The following RNF43 variants were observed in gnomAD, a reference collection of about 807,000 sequenced individuals.
The protein encoded by RNF43 is E3 ubiquitin-protein ligase RNF43.
Under a neutral mutation model 78.4 loss-of-function variants are expected in RNF43, and 37 were observed. The observed-to-expected ratio is 0.47, with a 90% CI of 0.36 to 0.62. The LOEUF is 0.62. Among genes scored for constraint, RNF43 ranks in the 20% least tolerant of loss-of-function variants. The probability of loss-of-function intolerance (pLI) is 0.00; values close to 1 mark genes in which losing one functional copy is unlikely to be tolerated. For synonymous variants in RNF43, 347 were observed against 395.0 expected (o/e 0.88, Z 1.44); for missense variants, 774 against 1,007.9 (o/e 0.77, Z 3.14).
chr17:58,401,093 T>TTGGGGA (rs1973788660), intron 2 of RNF43, among the ~76,000 whole-genome samples: 1 of 152,202 alleles, frequency 6.6e-6, no homozygotes, highest in Admixed American at 6.5e-5. Flanking sequence ...GATATGTTCC[T>TTGGGGA]GATCTATTTT....
intron 2 of RNF43, among the ~76,000 whole-genome samples, chr17:58,375,699 G>A (rs555843591): frequency 3.3e-5 from 5 of 152,342 alleles, no homozygotes; most frequent in East Asian, 3.9e-4. Context: ...AGTAGAGAGG[G>A]ACTTTGGTGT....
intron 2 of RNF43, among the ~76,000 whole-genome samples, chr17:58,372,839 G>A (rs144713417): frequency 8.9e-4 from 136 of 152,288 alleles, no homozygotes; most frequent in Middle Eastern, 3.4e-3. Flanking sequence ...GGGTTGGGGA[G>A]CCACATTCCT....
intron 2 of RNF43, among the ~76,000 whole-genome samples, chr17:58,377,348 G>A (rs141235167): frequency 9.6e-4 from 146 of 152,164 alleles, no homozygotes; most frequent in African/African-American, 3.1e-3. Context: ...CCCCTCCCCC[G>A]TTCTTTGGTA....
At chr17:58,371,491 T>C (rs2143519893) in intron 2 of RNF43, among the ~76,000 whole-genome samples, 1 of 152,370 alleles carries the variant, frequency 6.6e-6, no homozygotes. Flanking sequence ...TGCTGGATGC[T>C]GCTGGTGCCT....
chr17:58,358,072 C>G lies in RNF43; in HGVS notation c.1704G>C (p.Lys568Asn), dbSNP rs751281829. 1.9e-6 allele frequency: 3 copies of G among 1,597,150 alleles called. No individual in the cohort carries two copies. The highest frequency in any genetic ancestry group is 1.3e-5 in the African/African-American group (1 of 74,602). Residue 568 changes from lysine to asparagine, a missense_variant, in exon 9 of 10, where the codon AAG becomes AAC. Physicochemically the swap from Lys to Asn is moderately conservative, Grantham distance 94. Transcript: ENST00000407977. This position sits in a 1 kb window ranked among gnomAD's most constrained non-coding sequence, Gnocchi z 6.2. ...YKKRFQWHGR[K>N]PGPETGVPQS... Reference sequence around the variant, plus strand: ...GGGGGACTCCGGTTTCTGGGCCAGGCTTCCTGCCATGCCACTGGAACCGCT... The same window carrying G: ...GGGGGACTCCGGTTTCTGGGCCAGGGTTCCTGCCATGCCACTGGAACCGCT...
rs1567875446 is a variant in RNF43 at position 58,360,821 on chromosome 17, CAG to C, written c.809_810del (p.Pro270ArgfsTer11). On this transcript the variant is annotated frameshift_variant, in exon 7 of 10. Transcript: ENST00000407977. LOFTEE classifies it high-confidence loss of function. The surrounding 1 kb of genome is among the most constrained non-coding windows in gnomAD (Gnocchi z 4.3). ...PDSGSSCSSA[P>X]VCAICLEEFS... ...AACTCCTCCAGACAGATGGCACACACAGGGGCTGAGCTGCAGCTGCTCCCTGA... is the reference window on the plus strand; with the variant it reads ...AACTCCTCCAGACAGATGGCACACACGGGCTGAGCTGCAGCTGCTCCCTGA... The C allele has an allele frequency of 1.9e-6, 3 of 1,613,012 alleles. No individual in the cohort carries two copies. Among genetic ancestry groups the C allele is most frequent in the Non-Finnish European group, 1.7e-6 (2 of 1,179,502 alleles).
intron 2 of RNF43, among the ~76,000 whole-genome samples, chr17:58,374,883 T>C (rs1973175034): frequency 6.6e-6 from 1 of 152,166 alleles, no homozygotes; most frequent in Non-Finnish European, 1.5e-5. Context: ...TGCTCAAGAC[T>C]GAACTCATTC....
At position 58,415,709 on chromosome 17, in the gene RNF43, GT is replaced by G; in HGVS notation, c.-133del. The G allele has an allele frequency of 9.4e-7, 1 of 1,067,160 alleles. No individual in the cohort carries two copies. The highest frequency in any genetic ancestry group is 1.3e-6 in the Non-Finnish European group (1 of 755,506). The allele number at this position is 1,067,160 out of a possible 1,614,324, so 66.1% of individuals were successfully genotyped here. On this transcript the variant is annotated 5_prime_UTR_variant, in exon 2 of 10. Transcript: ENST00000407977. The stretch of plus-strand genomic sequence containing the variant: ...TTCCGTTTCAGAAAGCCAAGTCGTA[GT>G]TTTGGCCCTTCCTTTCTCTAAAGTT...
intron 2 of RNF43, among the ~76,000 whole-genome samples, chr17:58,379,542 C>T (rs1973270843): frequency 6.6e-6 from 1 of 152,202 alleles, no homozygotes; most frequent in Admixed American, 6.5e-5. Flanking sequence ...ATTACAGACG[C>T]CATTCTTCAA....
intron 2 of RNF43, among the ~76,000 whole-genome samples, chr17:58,372,827 C>T (rs541893622): frequency 3.3e-5 from 5 of 152,178 alleles, no homozygotes; most frequent in South Asian, 2.1e-4. Context: ...TGAAAGGGAG[C>T]GGGGTTGGGG....
At chr17:58,355,659 A>G (rs1972671386) in intron 9 of RNF43, among the ~76,000 whole-genome samples, 1 of 152,204 alleles carries the variant, frequency 6.6e-6, no homozygotes, top group Non-Finnish European at 1.5e-5. Flanking sequence ...TTTGAGGCCA[A>G]AGCAGGTTGG....
intron 2 of RNF43, among the ~76,000 whole-genome samples, chr17:58,376,847 G>C (rs1168923469): frequency 2.6e-5 from 4 of 152,180 alleles, no homozygotes; most frequent in Non-Finnish European, 5.9e-5. Flanking sequence ...AAGGCCAGGA[G>C]TTAGGACACC....
intron 2 of RNF43, among the ~76,000 whole-genome samples, chr17:58,399,793 C>T (rs1359933882): frequency 6.6e-6 from 1 of 152,092 alleles, no homozygotes; most frequent in African/African-American, 2.4e-5. Context: ...AGTTGCGTAC[C>T]ACCACGCCTG....
chr17:58,398,560 T>C lies in RNF43; in HGVS notation c.252+16766A>G, dbSNP rs535687981. 1.1e-4 allele frequency among the ~76,000 whole-genome samples: 17 copies of C among 152,322 alleles called. No homozygotes were observed. The South Asian group carries it at 1.4e-3, about 13-fold the overall frequency. On this transcript the variant is annotated intron_variant, in intron 2 of 9. Coordinates refer to ENST00000407977, the MANE Select transcript of RNF43 (RefSeq NM_017763.6). ...CAAGTGACCAGATATTAAATTAACC[T>C]TGCCACCAATATTGCCAAACTGGAA...
intron 2 of RNF43, among the ~76,000 whole-genome samples, chr17:58,395,452 A>G (rs926017019): frequency 1.1e-4 from 17 of 152,178 alleles, no homozygotes; most frequent in Non-Finnish European, 1.9e-4. Context: ...TTTATGAGGG[A>G]CAGTTTATTA....
chr17:58,368,047 A>C (rs1332418846), intron 3 of RNF43, among the ~76,000 whole-genome samples: 4 of 152,180 alleles, frequency 2.6e-5, no homozygotes, highest in Admixed American at 2.6e-4. Flanking sequence ...AGTCCAGGTC[A>C]CACTGAGGGG....
intron 2 of RNF43, among the ~76,000 whole-genome samples, chr17:58,387,356 G>A (rs1973459797): frequency 6.6e-6 from 1 of 152,130 alleles, no homozygotes; most frequent in Non-Finnish European, 1.5e-5. Context: ...GTACGCCAAA[G>A]TGCATGACAC....
intron 2 of RNF43, among the ~76,000 whole-genome samples, chr17:58,380,993 G>T (rs1225463155): frequency 6.6e-6 from 1 of 152,230 alleles, no homozygotes; most frequent in African/African-American, 2.4e-5. Context: ...TTGGCACAAT[G>T]CAAGTGGGGA....
chr17:58,404,139 C>CA lies in RNF43; in HGVS notation c.252+11186dup, dbSNP rs1390013233. 2.0e-5 allele frequency among the ~76,000 whole-genome samples: 3 copies of CA among 152,212 alleles called. No homozygotes were observed. In the East Asian group the frequency reaches 5.8e-4, roughly 29 times the overall value. On this transcript the variant is annotated intron_variant, in intron 2 of 9. Transcript: ENST00000407977. ...GAAGACTGGGAGTACAACTGAGTCT[C>CA]ATGCTTAGTTCTGCTACCTATTTAT...
Sources: gnomAD v4.1 joint callset for allele counts (sites outside exome capture counted in the v4.1 genomes callset) on GRCh38, gnomAD v4.1.1 for gene constraint, Gnocchi (gnomAD v3.1) non-coding constraint, MANE v1.5 for transcripts, NCBI Gene and HGNC (gene_info 2026-07-23, HGNC 2026-07-21) for gene names.